FAF1: variants seen among roughly 807,000 people sequenced by gnomAD.
FAF1 encodes FAS-associated factor 1.
Under a neutral mutation model 92.5 loss-of-function variants are expected in FAF1, and 25 were observed. The ratio of observed to expected loss-of-function variants is 0.27; its 90% confidence interval spans 0.20 to 0.38. The LOEUF (loss-of-function observed/expected upper bound fraction) is 0.38, where lower values mean the gene tolerates loss of function less well. FAF1 is among the 10% of genes least tolerant of loss of function. The pLI is 1.00. For synonymous variants in FAF1, 234 were observed against 273.2 expected (o/e 0.86, Z 1.42); for missense variants, 636 against 793.3 (o/e 0.80, Z 2.38).
At chr1:50,619,077 T>A (rs1300133097) in intron 8 of FAF1, among the ~76,000 whole-genome samples, 1 of 152,202 alleles carries the variant, frequency 6.6e-6, no homozygotes, top group Non-Finnish European at 1.5e-5. Flanking sequence ...TTATGTTTTA[T>A]TTCTGCGTGG....
At chr1:50,613,958 G>T (rs750660413) in intron 8 of FAF1, among the ~76,000 whole-genome samples, 1 of 151,900 alleles carries the variant, frequency 6.6e-6, no homozygotes, top group Admixed American at 6.6e-5. Context: ...TTATCCGGGC[G>T]TGGTGGCACG....
At chr1:50,526,364 G>A (rs1406833338) in intron 15 of FAF1, among the ~76,000 whole-genome samples, 1 of 151,868 alleles carries the variant, frequency 6.6e-6, no homozygotes, top group African/African-American at 2.4e-5. Flanking sequence ...GGAAGGCTGA[G>A]GTGGGAGGAT....
chr1:50,662,683 CTTTTTTTTTTTTTTTTTTT>C (rs58193277), intron 7 of FAF1, among the ~76,000 whole-genome samples: 2 of 77,578 alleles, frequency 2.6e-5, no homozygotes, highest in African/African-American at 9.3e-5. Context: ...GAATTTGTAT[CTTTTTTTTTTTTTTTTTTT>C]TTTTTTTTTT....
intron 7 of FAF1, among the ~76,000 whole-genome samples, chr1:50,683,229 C>G (rs1302255558): frequency 1.3e-5 from 2 of 150,754 alleles, no homozygotes; most frequent in African/African-American, 2.4e-5. Context: ...CCTAATGACT[C>G]TTAACATTAT....
chr1:50,799,862 T>C (rs1167007003), intron 3 of FAF1, among the ~76,000 whole-genome samples: 1 of 152,180 alleles, frequency 6.6e-6, no homozygotes, highest in East Asian at 1.9e-4. Flanking sequence ...AGTGTTCAGC[T>C]TATAAGAAAG....
rs369142765 is a variant in FAF1, at chr1:50,806,470, C to G, written c.115-4793G>C. Among the ~76,000 whole-genome samples the G allele has an allele frequency of 1.8e-4, 28 of 152,312 alleles. No individual in the cohort carries two copies. In the South Asian group the frequency reaches 4.6e-3, roughly 25 times the overall value. On this transcript the variant is annotated intron_variant, in intron 2 of 18. Coordinates refer to ENST00000396153, the MANE Select transcript of FAF1 (RefSeq NM_007051.3). ...AAACATGTGACGGAGGCAGCCGACA[C>G]CAGTGGAAGCACATACCACAGCCCT...
chr1:50,889,479 C>T (rs1201495312), intron 1 of FAF1, among the ~76,000 whole-genome samples: 4 of 152,156 alleles, frequency 2.6e-5, no homozygotes, highest in Non-Finnish European at 5.9e-5. Context: ...TTAGATCTTT[C>T]CTGCTTTCTC....
intron 17 of FAF1, among the ~76,000 whole-genome samples, chr1:50,486,211 G>T (rs1241698801): frequency 1.3e-5 from 2 of 152,138 alleles, no homozygotes; most frequent in Admixed American, 1.3e-4. Context: ...GAAACAGTTT[G>T]GGTAGACAGG....
intron 2 of FAF1, among the ~76,000 whole-genome samples, chr1:50,811,609 A>G (rs1643914095): frequency 6.6e-6 from 1 of 152,234 alleles, no homozygotes; most frequent in Admixed American, 6.5e-5. Context: ...AGGAAGAATC[A>G]ATATTGTGAA....
intron 1 of FAF1, among the ~76,000 whole-genome samples, chr1:50,920,893 T>C (rs1644957107): frequency 6.6e-6 from 1 of 152,154 alleles, no homozygotes; most frequent in African/African-American, 2.4e-5. Flanking sequence ...CCACTTCTAT[T>C]CAACCTCTAT....
chr1:50,766,979 A>C (rs1237513888), intron 4 of FAF1, among the ~76,000 whole-genome samples: 1 of 152,156 alleles, frequency 6.6e-6, no homozygotes, highest in African/African-American at 2.4e-5. Context: ...TGAAATGACT[A>C]AAATGACAGA....
intron 8 of FAF1, among the ~76,000 whole-genome samples, chr1:50,604,663 AT>A (rs1336623902): frequency 6.6e-6 from 1 of 152,076 alleles, no homozygotes; most frequent in African/African-American, 2.4e-5. Context: ...GCATGCTGCC[AT>A]GCCCAGCTAA....
At chr1:50,466,232 G>A (rs764886666) in intron 18 of FAF1, among the ~76,000 whole-genome samples, 8 of 152,144 alleles carry the variant, frequency 5.3e-5, no homozygotes, top group Non-Finnish European at 1.0e-4. Context: ...TTTTGCTTAT[G>A]AGTTGGAGAA....
chr1:50,944,458 C>G (rs1231507630), intron 1 of FAF1, among the ~76,000 whole-genome samples: 5 of 152,178 alleles, frequency 3.3e-5, no homozygotes, highest in Non-Finnish European at 5.9e-5. Flanking sequence ...GCTCTCTGTC[C>G]ATTGCTACAA....
At chr1:50,569,526 T>TCCC (rs1650330619) in intron 12 of FAF1, among the ~76,000 whole-genome samples, 1 of 151,620 alleles carries the variant, frequency 6.6e-6, no homozygotes, top group Non-Finnish European at 1.5e-5. Context: ...TCAGAACTCT[T>TCCC]CTTCTTAGGA....
intron 1 of FAF1, among the ~76,000 whole-genome samples, chr1:50,948,024 T>C (rs971704529): frequency 3.9e-5 from 6 of 151,956 alleles, no homozygotes; most frequent in African/African-American, 1.5e-4. Flanking sequence ...AACATGTAAA[T>C]TGATCACTGA....
intron 1 of FAF1, among the ~76,000 whole-genome samples, chr1:50,943,340 A>T (rs564031601): frequency 2.1e-4 from 32 of 152,334 alleles, no homozygotes; most frequent in African/African-American, 7.0e-4. Flanking sequence ...AAATCCCATA[A>T]GCCATCAGGG....
chr1:50,922,667 A>T (rs964470602), intron 1 of FAF1, among the ~76,000 whole-genome samples: 4 of 150,806 alleles, frequency 2.7e-5, no homozygotes, highest in African/African-American at 9.8e-5. Context: ...AAAAATACAA[A>T]ATTATCCGGG....
At chr1:50,820,493 G>A (rs1353219913) in intron 2 of FAF1, among the ~76,000 whole-genome samples, 1 of 152,122 alleles carries the variant, frequency 6.6e-6, no homozygotes, top group African/African-American at 2.4e-5. Flanking sequence ...GTGTGTGTGT[G>A]TCCATGTGTG....
Sources: allele counts gnomAD v4.1 joint callset (sites outside exome capture counted in the v4.1 genomes callset), GRCh38; gene constraint gnomAD v4.1.1; transcripts MANE v1.5; gene names NCBI Gene and HGNC (gene_info 2026-07-23, HGNC 2026-07-21).